RACGAP1: variants seen among roughly 807,000 people sequenced by gnomAD.
The protein encoded by RACGAP1 is rac GTPase-activating protein 1.
In RACGAP1, 30 loss-of-function variants were observed where a neutral mutation model predicts 78.1. The ratio of observed to expected loss-of-function variants is 0.38; its 90% CI spans 0.29 to 0.52. RACGAP1 has a LOEUF of 0.52. Among genes scored for constraint, RACGAP1 ranks in the 20% least tolerant of loss-of-function variants. The pLI, the probability that RACGAP1 is intolerant of heterozygous loss-of-function variation, is 0.82. For missense variants in RACGAP1, 587 were observed against 777.1 expected, an observed-to-expected ratio of 0.76 and a Z score of 2.91; for synonymous variants, 231 against 264.8, an observed-to-expected ratio of 0.87 and a Z score of 1.24.
chr12:49,993,249 G>C (rs1948014119), intron 12 of RACGAP1, among the ~76,000 whole-genome samples: 1 of 152,202 alleles, frequency 6.6e-6, no homozygotes, highest in Admixed American at 6.5e-5. Context: ...TCTAATGTAA[G>C]AGCATTCAGG....
intron 10 of RACGAP1, among the ~76,000 whole-genome samples, chr12:49,996,567 G>C (rs538824833): frequency 5.4e-4 from 78 of 144,306 alleles, no homozygotes; most frequent in African/African-American, 1.7e-3. Flanking sequence ...TTGAGCCCAG[G>C]GGGGCGGAGG....
At chr12:49,990,594 A>C (rs112519220) in intron 16 of RACGAP1, 90 bp downstream of exon 16, 1 of 1,071,946 alleles carries the variant, frequency 9.3e-7, no homozygotes, top group South Asian at 1.4e-5. Context: ...CTAAAATCGA[A>C]TGCAATTTTT....
chr12:50,001,217 AG>A lies in RACGAP1; in HGVS notation c.584del (p.Pro195LeufsTer4), dbSNP rs781092950. On this transcript the variant is annotated frameshift_variant, in exon 7 of 17. Transcript: ENST00000312377. LOFTEE classifies it high-confidence loss of function. ...TGGAACGAGTTTTCTTTACAGGTCC[AG>A]GGGGACCATCAACAAACTGTCGGCT... The part of the protein sequence containing the change: ...STSRQFVDGP[P>X]GPVKKTRSIG... 1 of 1,612,300 alleles carries A rather than the reference AG, an allele frequency of 6.2e-7. No homozygotes were observed. Among genetic ancestry groups the A allele is most frequent in the Non-Finnish European group, 8.5e-7 (1 of 1,178,360 alleles).
chr12:49,999,338 A>G, intron 8 of RACGAP1, 67 bp from the exon 9 acceptor site: 2 of 1,534,398 alleles, frequency 1.3e-6, no homozygotes, highest in African/African-American at 1.4e-5. Context: ...TTTAGCTCCA[A>G]TTTTAACTGG....
upstream of RACGAP1, chr12:50,025,597 C>T (rs1038737428): frequency 8.2e-5 from 78 of 956,806 alleles, no homozygotes; most frequent in Non-Finnish European, 9.5e-5. Flanking sequence ...CGGGAATGAG[C>T]ATGCGCATTC....
chr12:50,000,018 A>ATGTTTTTTTTTTTGTT (rs1555172403), intron 7 of RACGAP1, among the ~76,000 whole-genome samples: 7 of 99,642 alleles, frequency 7.0e-5, no homozygotes, highest in Non-Finnish European at 1.3e-4. Flanking sequence ...CACCTGACTG[A>ATGTTTTTTTTTTTGTT]TTTTTTTTTT....
intron 2 of RACGAP1, among the ~76,000 whole-genome samples, chr12:50,008,169 GAA>G (rs71441313): frequency 0.011 from 660 of 60,628 alleles, 5 homozygotes; most frequent in South Asian, 0.09. Context: ...TGAGAAATGT[GAA>G]AAAAAAAAAA....
chr12:49,992,859 G>A (rs974326833), intron 12 of RACGAP1, among the ~76,000 whole-genome samples: 1 of 152,158 alleles, frequency 6.6e-6, no homozygotes. Flanking sequence ...TTAAAAAATC[G>A]GCCTTTGCAG....
At chr12:50,005,677 A>G (rs1001270408) in intron 3 of RACGAP1, among the ~76,000 whole-genome samples, 2 of 152,234 alleles carry the variant, frequency 1.3e-5, no homozygotes, top group African/African-American at 4.8e-5. Context: ...TGAGAGTCCC[A>G]AAATAGATTT....
intron 1 of RACGAP1, among the ~76,000 whole-genome samples, chr12:50,022,182 C>G (rs1016258995): frequency 5.9e-5 from 9 of 152,238 alleles, no homozygotes; most frequent in African/African-American, 1.9e-4. Flanking sequence ...TTCACTGAAG[C>G]CTTCCCTAAC....
At position 50,010,930 on chromosome 12, in the gene RACGAP1, T is replaced by A. The variant is rs1172384547; in HGVS notation, c.86-4294A>T. Among the ~76,000 whole-genome samples the A allele has an allele frequency of 1.1e-3, 19 of 17,820 alleles. No homozygotes were observed. The Admixed American group carries it at 0.018, about 17-fold the overall frequency. 11.7% of individuals were successfully genotyped at this position (17,820 alleles called of 152,430 possible). On this transcript the variant is annotated intron_variant, in intron 2 of 16. Coordinates refer to ENST00000312377, the MANE Select transcript of RACGAP1 (RefSeq NM_001319999.2). Reference sequence around the variant, plus strand: ...CTGGGCAACAAAGAGCGAAAAATTCTGTCTCAAAAAAAAAATGAATACAAA... The same window carrying A: ...CTGGGCAACAAAGAGCGAAAAATTCAGTCTCAAAAAAAAAATGAATACAAA...
intron 3 of RACGAP1, 34 bp downstream of exon 3, chr12:50,006,400 T>G (rs757489396): frequency 6.2e-7 from 1 of 1,609,392 alleles, no homozygotes; most frequent in Admixed American, 1.7e-5. Flanking sequence ...CCCTCCTGCA[T>G]CATCACTGTT....
At chr12:50,006,401 C>A in intron 3 of RACGAP1, 33 bp downstream of exon 3, 1 of 1,609,924 alleles carries the variant, frequency 6.2e-7, no homozygotes, top group South Asian at 1.1e-5. Context: ...CCTCCTGCAT[C>A]ATCACTGTTC....
At chr12:50,015,807 T>TA (rs923978797) in intron 2 of RACGAP1, among the ~76,000 whole-genome samples, 32 of 138,458 alleles carry the variant, frequency 2.3e-4, no homozygotes, top group South Asian at 9.0e-4. Flanking sequence ...ATCTCAAAAA[T>TA]AAAAAAAAAA....
At position 49,989,737 on chromosome 12, in the gene RACGAP1, A is replaced by G. The variant is rs1414075571; in HGVS notation, c.*531T>C. ...CATCCCATTTTTATGAAAGCTCCAT[A>G]TTATAGCTCAGTTCATAATGGGGAA... On this transcript the variant is annotated 3_prime_UTR_variant, in exon 17 of 17. Coordinates refer to ENST00000312377, the MANE Select transcript of RACGAP1 (RefSeq NM_001319999.2). 1 of 152,984 alleles carries G rather than the reference A, an allele frequency of 6.5e-6. No homozygotes were observed. Among genetic ancestry groups the G allele is most frequent in the Non-Finnish European group, 1.5e-5 (1 of 68,596 alleles). 9.5% of individuals were successfully genotyped at this position (152,984 alleles called of 1,614,324 possible).
chr12:49,991,455 T>TA (rs1352266493), intron 15 of RACGAP1, among the ~76,000 whole-genome samples: 3 of 48,296 alleles, frequency 6.2e-5, no homozygotes, highest in Non-Finnish European at 1.7e-4. Context: ...ATATTTAAAC[T>TA]ATTATATATA....
intron 6 of RACGAP1, among the ~76,000 whole-genome samples, chr12:50,001,792 G>A (rs1440815099): frequency 6.6e-6 from 1 of 152,212 alleles, no homozygotes; most frequent in African/African-American, 2.4e-5. Flanking sequence ...CTGGTTGGGA[G>A]CAGTGGCTCA....
intron 15 of RACGAP1, among the ~76,000 whole-genome samples, chr12:49,991,457 T>TTATA (rs59257280): frequency 0.02 from 557 of 27,410 alleles, 60 homozygotes; most frequent in Non-Finnish European, 0.037. Context: ...ATTTAAACTA[T>TTATA]TATATATATA....
At chr12:50,018,659 T>C in intron 1 of RACGAP1, 1 of 856,780 alleles carries the variant, frequency 1.2e-6, no homozygotes, top group Non-Finnish European at 1.7e-6. Flanking sequence ...ATCTCGGCAT[T>C]CACTTATATA....
Sources: allele counts gnomAD v4.1 joint callset (sites outside exome capture counted in the v4.1 genomes callset), GRCh38; gene constraint gnomAD v4.1.1; transcripts MANE v1.5; gene names NCBI Gene and HGNC (gene_info 2026-07-23, HGNC 2026-07-21).